Variants in SEMA3C observed in about 807,000 individuals in gnomAD.
SEMA3C encodes semaphorin 3C.
In SEMA3C, 47 loss-of-function variants were observed where a neutral mutation model predicts 89.4. The observed-to-expected ratio is 0.53, with a 90% CI of 0.42 to 0.67. The LOEUF is 0.67. Ranked by LOEUF, SEMA3C falls within the 30% of genes least tolerant of loss-of-function variation. The pLI is 0.00. For synonymous variants in SEMA3C, 310 were observed against 320.2 expected (o/e 0.97, Z 0.34); for missense variants, 839 against 929.1 (o/e 0.90, Z 1.26).
chr7:80,773,631 G>A (rs1252849482), intron 12 of SEMA3C, among the ~76,000 whole-genome samples: 1 of 152,178 alleles, frequency 6.6e-6, no homozygotes, highest in East Asian at 1.9e-4. Flanking sequence ...AATCTCAACA[G>A]AGGTTCAGAG....
Position 80,786,620 on chromosome 7 carries a change from T to C in SEMA3C, c.1354+2686A>G, listed in dbSNP as rs1207583896. Among the ~76,000 whole-genome samples the C allele has an allele frequency of 2.0e-5, 3 of 152,252 alleles. No homozygotes were observed. The East Asian group carries it at 5.8e-4, about 29-fold the overall frequency. ...AGCTAAGGCTAAAAGCAAATCTTTG[T>C]AGTCACTTACATGAAGGCTGTATCT... On this transcript the variant is annotated intron_variant, in intron 12 of 17. Transcript: ENST00000265361.
At chr7:80,903,532 C>CATGCCTATA (rs1468708459) in intron 2 of SEMA3C, among the ~76,000 whole-genome samples, 1 of 152,066 alleles carries the variant, frequency 6.6e-6, no homozygotes, top group Non-Finnish European at 1.5e-5. Flanking sequence ...CATGGTGGCA[C>CATGCCTATA]ATGCCTATAT....
intron 2 of SEMA3C, among the ~76,000 whole-genome samples, chr7:80,851,867 A>C (rs905156333): frequency 2.6e-5 from 4 of 152,178 alleles, no homozygotes; most frequent in African/African-American, 9.6e-5. Context: ...ATTTTCATGA[A>C]AGAAGACAAT....
At chr7:80,889,596 A>G (rs1791565391) in intron 2 of SEMA3C, among the ~76,000 whole-genome samples, 1 of 152,138 alleles carries the variant, frequency 6.6e-6, no homozygotes, top group African/African-American at 2.4e-5. Flanking sequence ...TATTAGTAAA[A>G]GTATAGATTA....
chr7:80,779,217 T>G (rs1788634338), intron 12 of SEMA3C, among the ~76,000 whole-genome samples: 1 of 152,192 alleles, frequency 6.6e-6, no homozygotes, highest in African/African-American at 2.4e-5. Context: ...TACACAACTG[T>G]AAAATGGGGA....
intron 8 of SEMA3C, 64 bp downstream of exon 8, chr7:80,804,042 C>G (rs112211382): frequency 7.1e-7 from 1 of 1,407,660 alleles, no homozygotes; most frequent in African/African-American, 1.4e-5. Flanking sequence ...AATAAAAGCA[C>G]GGAGATAAAC....
At position 80,818,408 on chromosome 7, in the gene SEMA3C, C is replaced by T; in HGVS notation, c.338G>A (p.Gly113Glu). The T allele has an allele frequency of 6.2e-7, 1 of 1,613,126 alleles. No homozygotes were observed. The highest frequency in any genetic ancestry group is 8.5e-7 in the Non-Finnish European group (1 of 1,179,332). ...MAGKDPTHGCGNFVRVIQTFN... is the reference protein window; with the variant it reads ...MAGKDPTHGCENFVRVIQTFN... ...AGTCTGAATTACACGGACAAAGTTC[C>T]CACAGCCGTGCTAAAAGAATCAGTA... The change falls in exon 5 of 18, where the codon GGG (glycine) becomes GAG (glutamate). Residue 113 changes from glycine to glutamate, a missense_variant. Coordinates refer to ENST00000265361, the MANE Select transcript of SEMA3C (RefSeq NM_006379.5).
At position 80,818,347 on chromosome 7, in the gene SEMA3C, G is replaced by T; in HGVS notation, c.399C>A (p.Gly133=). 6.2e-7 allele frequency: 1 copy of T among 1,613,328 alleles called. No homozygotes were observed. ...NRTHLYVCGS[G]AFSPVCTYLN... ...AGTAAGTACAGACAGGACTGAAAGC[G>T]CCACTCCCACAGACATACAAATGTG... Residue 133 remains glycine, a synonymous_variant, in exon 5 of 18, where the codon GGC becomes GGA. Coordinates refer to ENST00000265361, the MANE Select transcript of SEMA3C (RefSeq NM_006379.5).
intron 2 of SEMA3C, among the ~76,000 whole-genome samples, chr7:80,904,381 CATT>C (rs1386728053): frequency 2.0e-5 from 3 of 152,124 alleles, no homozygotes; most frequent in Non-Finnish European, 4.4e-5. Flanking sequence ...ACAGATATGT[CATT>C]ATGTTTCAAA....
intron 13 of SEMA3C, among the ~76,000 whole-genome samples, chr7:80,764,513 C>T (rs1788252438): frequency 6.6e-6 from 1 of 152,178 alleles, no homozygotes; most frequent in African/African-American, 2.4e-5. Flanking sequence ...AGAACATGCA[C>T]TCTGCCCTGA....
chr7:80,883,777 G>C (rs763700616), intron 2 of SEMA3C, among the ~76,000 whole-genome samples: 1 of 151,942 alleles, frequency 6.6e-6, no homozygotes, highest in Non-Finnish European at 1.5e-5. Context: ...TTTAAATCAT[G>C]AGCAAAAAAA....
chr7:80,775,356 T>C (rs1788523128), intron 12 of SEMA3C, among the ~76,000 whole-genome samples: 1 of 151,892 alleles, frequency 6.6e-6, no homozygotes, highest in Admixed American at 6.6e-5. Context: ...AAAGCTGAAA[T>C]AAGAACAAAG....
intron 2 of SEMA3C, among the ~76,000 whole-genome samples, chr7:80,879,268 T>G (rs1791278204): frequency 2.0e-5 from 3 of 151,574 alleles, no homozygotes; most frequent in Admixed American, 6.6e-5. Flanking sequence ...AAAATGGAAA[T>G]GGGCATCTGA....
chr7:80,790,260 G>C (rs1788904774), intron 11 of SEMA3C, among the ~76,000 whole-genome samples: 1 of 151,804 alleles, frequency 6.6e-6, no homozygotes, highest in Non-Finnish European at 1.5e-5. Context: ...CTCTAGCCTG[G>C]GCAACAGAGT....
At chr7:80,859,443 C>T (rs890877142) in intron 2 of SEMA3C, among the ~76,000 whole-genome samples, 2 of 152,110 alleles carry the variant, frequency 1.3e-5, no homozygotes, top group African/African-American at 4.8e-5. Context: ...TTTTCAAGTT[C>T]ATCCTAAAGA....
At chr7:80,781,624 T>C (rs1271184644) in intron 12 of SEMA3C, among the ~76,000 whole-genome samples, 1 of 152,156 alleles carries the variant, frequency 6.6e-6, no homozygotes, top group East Asian at 1.9e-4. Context: ...CAGCAGGCTG[T>C]GAATTCTTCT....
chr7:80,779,358 A>C (rs1257339747), intron 12 of SEMA3C, among the ~76,000 whole-genome samples: 1 of 152,120 alleles, frequency 6.6e-6, no homozygotes, highest in Admixed American at 6.6e-5. Context: ...AAAGGAATTC[A>C]TTACTCTCCA....
chr7:80,891,210 A>G (rs868044612), intron 2 of SEMA3C, among the ~76,000 whole-genome samples: 9 of 152,302 alleles, frequency 5.9e-5, no homozygotes, highest in South Asian at 2.1e-4. Context: ...CTGATTGTCC[A>G]TAAGTGAAAC....
chr7:80,918,463 C>T (rs1405088740), intron 1 of SEMA3C: 1 of 152,218 alleles, frequency 6.6e-6, no homozygotes, highest in Non-Finnish European at 1.5e-5. Flanking sequence ...TACACCCCCG[C>T]CTCCCCAACA....
Sources: allele counts gnomAD v4.1 joint callset (sites outside exome capture counted in the v4.1 genomes callset), GRCh38; gene constraint gnomAD v4.1.1; transcripts MANE v1.5; gene names NCBI Gene and HGNC (gene_info 2026-07-23, HGNC 2026-07-21).